The following ME3 variants were observed in gnomAD, a reference collection of about 807,000 sequenced individuals.
The protein encoded by ME3 is NADP-dependent malic enzyme, mitochondrial.
In ME3, 48 loss-of-function variants were observed where a neutral mutation model predicts 68.9. The ratio of observed to expected loss-of-function variants is 0.70; its 90% CI spans 0.55 to 0.89. The LOEUF is 0.89. ME3 is among the 40% of genes least tolerant of loss of function. ME3 has a pLI of 0.00. For missense variants in ME3, 675 were observed against 797.4 expected (o/e 0.85, Z 1.85); for synonymous variants, 320 against 318.8 (o/e 1.00, Z -0.04).
intron 4 of ME3, among the ~76,000 whole-genome samples, chr11:86,528,875 A>G (rs1033109558): frequency 1.3e-5 from 2 of 152,314 alleles, no homozygotes; most frequent in African/African-American, 4.8e-5. Context: ...AGGGAAATTT[A>G]TAGCACTAAA....
chr11:86,651,323 G>A (rs1467329177), intron 2 of ME3, among the ~76,000 whole-genome samples: 1 of 152,206 alleles, frequency 6.6e-6, no homozygotes, highest in Non-Finnish European at 1.5e-5. Flanking sequence ...CCCCTGAGTA[G>A]CCTAACTGGG....
intron 2 of ME3, among the ~76,000 whole-genome samples, chr11:86,651,385 C>G (rs1201904362): frequency 6.6e-6 from 1 of 152,334 alleles, no homozygotes; most frequent in East Asian, 1.9e-4. Context: ...GGGTACTCCT[C>G]TGAGACAAAA....
chr11:86,635,543 A>G (rs1158755114), intron 2 of ME3, among the ~76,000 whole-genome samples: 1 of 152,236 alleles, frequency 6.6e-6, no homozygotes, highest in South Asian at 2.1e-4. Context: ...AGGTGGGACC[A>G]TTAAGAGATG....
intron 2 of ME3, among the ~76,000 whole-genome samples, chr11:86,637,316 G>A (rs891559153): frequency 4.7e-5 from 6 of 127,854 alleles, no homozygotes; most frequent in African/African-American, 1.7e-4. Flanking sequence ...AGTACTGAAG[G>A]TAATACGTAA....
intron 2 of ME3, among the ~76,000 whole-genome samples, chr11:86,661,140 A>C (rs181196654): frequency 1.3e-5 from 2 of 152,366 alleles, no homozygotes; most frequent in African/African-American, 4.8e-5. Context: ...GGATCTGAAG[A>C]AAACACATGC....
chr11:86,449,775 C>T lies in ME3; in HGVS notation c.1131+114G>A, dbSNP rs1949531080. ...TTGCTTTGGAGCTTAGGCCATTGCC[C>T]TCATTTTGCTCTCTATTCTGTTTGA... On this transcript the variant is annotated intron_variant, in intron 10 of 14. Coordinates refer to ENST00000543262, the Ensembl canonical transcript of ME3. The T allele has an allele frequency of 8.2e-6, 6 of 728,034 alleles. No homozygotes were observed. In the Admixed American group the frequency reaches 1.4e-4, roughly 17 times the overall value. 45.1% of individuals were successfully genotyped at this position (728,034 alleles called of 1,614,324 possible). A position where few individuals can be genotyped will look rare whatever the true frequency, so the allele number is the denominator to read the frequency against.
chr11:86,499,831 G>A (rs1257900676), intron 5 of ME3, among the ~76,000 whole-genome samples: 1 of 152,150 alleles, frequency 6.6e-6, no homozygotes, highest in South Asian at 2.1e-4. Flanking sequence ...CTGCTTCACC[G>A]GTGAGCAAAC....
At chr11:86,629,248 A>T (rs1943862269) in intron 2 of ME3, among the ~76,000 whole-genome samples, 2 of 152,214 alleles carry the variant, frequency 1.3e-5, no homozygotes, top group Admixed American at 1.3e-4. Context: ...TCGTCATAAC[A>T]TTCAGAGCAG....
chr11:86,621,871 C>G (rs533194252), intron 2 of ME3, among the ~76,000 whole-genome samples: 117 of 151,742 alleles, frequency 7.7e-4, no homozygotes, highest in African/African-American at 2.8e-3. Context: ...GAAAATGAAC[C>G]CTGTAAAGCA....
At chr11:86,617,045 G>T (rs1157231893) in intron 2 of ME3, among the ~76,000 whole-genome samples, 15 of 56,320 alleles carry the variant, frequency 2.7e-4, no homozygotes, top group South Asian at 9.2e-4. Flanking sequence ...CAAGATAGTA[G>T]TTTTTTTTTT....
At chr11:86,584,865 C>G (rs1018643081) in intron 2 of ME3, among the ~76,000 whole-genome samples, 2 of 152,084 alleles carry the variant, frequency 1.3e-5, no homozygotes, top group African/African-American at 4.8e-5. Context: ...TAGAGATCTG[C>G]TATATAACAT....
intron 2 of ME3, among the ~76,000 whole-genome samples, chr11:86,631,818 C>T (rs1391854975): frequency 5.3e-5 from 8 of 152,118 alleles, no homozygotes; most frequent in Non-Finnish European, 8.8e-5. Flanking sequence ...CTGCAACCTC[C>T]GCCTCTCGGG....
chr11:86,443,565 T>G (rs1296504265), intron 13 of ME3, among the ~76,000 whole-genome samples: 3 of 152,250 alleles, frequency 2.0e-5, no homozygotes, highest in African/African-American at 7.2e-5. Context: ...TGCTGGAGTT[T>G]GTTCAGCCTT....
At chr11:86,602,591 T>C (rs540685005) in intron 2 of ME3, among the ~76,000 whole-genome samples, 134 of 152,106 alleles carry the variant, frequency 8.8e-4, no homozygotes, top group African/African-American at 3.2e-3. Flanking sequence ...CTTCAGAGAA[T>C]TGGAAAAAAC....
At chr11:86,452,071 A>T (rs950373899) in intron 8 of ME3, among the ~76,000 whole-genome samples, 1 of 152,198 alleles carries the variant, frequency 6.6e-6, no homozygotes, top group Admixed American at 6.5e-5. Flanking sequence ...GCCAAAATGT[A>T]TGGGTCTAGA....
intron 2 of ME3, among the ~76,000 whole-genome samples, chr11:86,652,496 G>A (rs1057257023): frequency 6.6e-6 from 1 of 152,050 alleles, no homozygotes; most frequent in African/African-American, 2.4e-5. Flanking sequence ...GCCAAACTAA[G>A]CTTCATAAGT....
At chr11:86,479,995 T>G (rs1257955147) in intron 7 of ME3, among the ~76,000 whole-genome samples, 1 of 152,148 alleles carries the variant, frequency 6.6e-6, no homozygotes, top group Non-Finnish European at 1.5e-5. Flanking sequence ...TTTTTTGTAT[T>G]TTCGGTACAG....
rs1016691447 is a variant in ME3, at chr11:86,593,474, C to T, written c.184-33651G>A. On this transcript the variant is annotated intron_variant, in intron 2 of 14. Coordinates refer to ENST00000543262, the Ensembl canonical transcript of ME3. ...ACTTTCACATATATCATATGAGCCC[C>T]ACAAAGGCTCCAGAACTTCAGCATA... Among the ~76,000 whole-genome samples, 4 of 146,480 alleles carry T rather than the reference C, an allele frequency of 2.7e-5. 1 individual carries two copies. The highest frequency in any genetic ancestry group is 4.5e-5 in the Non-Finnish European group (3 of 67,182).
intron 4 of ME3, among the ~76,000 whole-genome samples, chr11:86,513,802 A>C (rs1953703202): frequency 1.3e-5 from 2 of 152,056 alleles, no homozygotes; most frequent in South Asian, 4.2e-4. Flanking sequence ...AAGATATAGT[A>C]CCCCCAGGGA....
Sources: gnomAD v4.1 joint callset for allele counts (sites outside exome capture counted in the v4.1 genomes callset) on GRCh38, gnomAD v4.1.1 for gene constraint, MANE v1.5 for transcripts, NCBI Gene and HGNC (gene_info 2026-07-23, HGNC 2026-07-21) for gene names.